ADAMTS17: variants seen among roughly 807,000 people sequenced by gnomAD.
ADAMTS17 encodes the protein ADAM metallopeptidase with thrombospondin type 1 motif 17.
ADAMTS17 carries 113 observed loss-of-function variants against 141.5 expected under a neutral mutation model. That is an observed-to-expected ratio of 0.80 (90% confidence interval 0.69 to 0.93). The LOEUF (loss-of-function observed/expected upper bound fraction) is 0.93. ADAMTS17 is among the 40% of genes least tolerant of loss of function. The pLI is 0.00. For synonymous variants in ADAMTS17, 768 were observed against 630.6 expected (o/e 1.22, Z -3.27); for missense variants, 1,659 against 1,517.9 (o/e 1.09, Z -1.54).
intron 12 of ADAMTS17, among the ~76,000 whole-genome samples, chr15:100,131,131 A>C (rs150922363): frequency 5.3e-4 from 81 of 152,148 alleles, no homozygotes; most frequent in Admixed American, 1.6e-3. Flanking sequence ...AAAACCAAAC[A>C]CTGTATGTTC....
intron 15 of ADAMTS17, among the ~76,000 whole-genome samples, chr15:100,090,470 C>T (rs868376153): frequency 1.8e-4 from 27 of 152,300 alleles, no homozygotes; most frequent in Middle Eastern, 3.4e-3. Flanking sequence ...AGCAAGGTCC[C>T]TGTGCAGCTG....
At chr15:100,167,187 T>G (rs1247180407) in intron 8 of ADAMTS17, among the ~76,000 whole-genome samples, 6 of 152,162 alleles carry the variant, frequency 3.9e-5, no homozygotes, top group African/African-American at 1.4e-4. Flanking sequence ...TTGGCTAACT[T>G]GAGGTGGGAG....
intron 16 of ADAMTS17, 71 bp from the exon 17 acceptor site, chr15:100,051,802 A>C: frequency 6.3e-7 from 1 of 1,582,806 alleles, no homozygotes; most frequent in South Asian, 1.1e-5. Flanking sequence ...GAATCTGCAC[A>C]CACAGGCACA....
chr15:99,976,725 C>T (rs376544640), intron 20 of ADAMTS17: 22 of 207,132 alleles, frequency 1.1e-4, no homozygotes, highest in Admixed American at 2.7e-4. Context: ...GTCTGTAAAT[C>T]GGGGAGGGTC....
chr15:100,065,590 C>T (rs578212149), intron 15 of ADAMTS17, among the ~76,000 whole-genome samples: 5 of 152,166 alleles, frequency 3.3e-5, no homozygotes, highest in South Asian at 2.1e-4. Context: ...AATGCTATTG[C>T]GGCATACTCG....
intron 3 of ADAMTS17, among the ~76,000 whole-genome samples, chr15:100,296,329 G>C (rs1244404881): frequency 6.6e-6 from 1 of 152,064 alleles, no homozygotes; most frequent in Non-Finnish European, 1.5e-5. Context: ...GGAAATGATG[G>C]CTCCACATGT....
chr15:100,291,353 G>A (rs1054439630), intron 3 of ADAMTS17, among the ~76,000 whole-genome samples: 2 of 152,208 alleles, frequency 1.3e-5, no homozygotes, highest in Non-Finnish European at 1.5e-5. Flanking sequence ...ACTAGCAGAT[G>A]CTGGCGAGGT....
chr15:100,253,578 C>A (rs62036215), intron 7 of ADAMTS17, among the ~76,000 whole-genome samples: 101,263 of 133,636 alleles, frequency 0.76, 39,221 homozygotes, highest in East Asian at 0.87. Flanking sequence ...GAGGAGGGGA[C>A]GGTGAAGAAG....
intron 15 of ADAMTS17, among the ~76,000 whole-genome samples, chr15:100,091,703 G>A (rs190346773): frequency 4.6e-5 from 7 of 152,118 alleles, no homozygotes; most frequent in African/African-American, 1.2e-4. Context: ...GAAAACCATC[G>A]GACTGAAAAG....
In ADAMTS17 at chr15:100,320,455, T is replaced by C. The variant is rs375715260; in HGVS notation, c.616+10434A>G. On this transcript the variant is annotated intron_variant, in intron 3 of 21. Coordinates refer to ENST00000268070, the MANE Select transcript of ADAMTS17 (RefSeq NM_139057.4). ...GGCAGAGGACCTTTTGTAACAAAAA[T>C]AGCAGTCTGAACACAGTACAATAGT... 2.6e-5 allele frequency among the ~76,000 whole-genome samples: 4 copies of C among 152,152 alleles called. No homozygotes were observed. The East Asian group carries it at 5.8e-4, about 22-fold the overall frequency.
intron 10 of ADAMTS17, among the ~76,000 whole-genome samples, chr15:100,140,508 TCCAGTAAAGACGTGTGGA>T (rs2038587842): frequency 1.4e-5 from 2 of 139,616 alleles, no homozygotes; most frequent in African/African-American, 2.6e-5. Context: ...TATATATATA[TCCAGTAAAGACGTGTGGA>T]ATGTATGAAT....
At chr15:100,138,998 G>T (rs542191633) in intron 10 of ADAMTS17, among the ~76,000 whole-genome samples, 1 of 152,082 alleles carries the variant, frequency 6.6e-6, no homozygotes, top group East Asian at 1.9e-4. Flanking sequence ...GCGCATGGGG[G>T]GTATTTTGGG....
At chr15:100,194,997 G>A (rs956669406) in intron 8 of ADAMTS17, among the ~76,000 whole-genome samples, 5 of 152,220 alleles carry the variant, frequency 3.3e-5, no homozygotes, top group African/African-American at 4.8e-5. Context: ...TCAAGCTACC[G>A]CTATGGAAAG....
chr15:100,305,456 G>A lies in ADAMTS17; in HGVS notation c.617-24055C>T, dbSNP rs143408204. Among the ~76,000 whole-genome samples, 57 of 152,312 alleles carry A rather than the reference G, an allele frequency of 3.7e-4. No homozygotes were observed. In the East Asian group the frequency reaches 0.01, roughly 27 times the overall value. On this transcript the variant is annotated intron_variant, in intron 3 of 21. Transcript: ENST00000268070. ...TTACTCAAATTCCAACGACAAGAGC[G>A]CTGGCAAAAGCCAGTGCCAAGACCT...
At chr15:100,019,166 A>G (rs529197054) in intron 18 of ADAMTS17, among the ~76,000 whole-genome samples, 1 of 152,346 alleles carries the variant, frequency 6.6e-6, no homozygotes, top group Non-Finnish European at 1.5e-5. Flanking sequence ...CAGGGGCAAG[A>G]CAGATGTACA....
At chr15:100,121,274 G>T (rs1239605179) in intron 12 of ADAMTS17, among the ~76,000 whole-genome samples, 1 of 152,072 alleles carries the variant, frequency 6.6e-6, no homozygotes, top group African/African-American at 2.4e-5. Context: ...AGAGAGAAAG[G>T]GTTAAGAGAT....
At chr15:100,218,497 A>G (rs975447584) in intron 7 of ADAMTS17, among the ~76,000 whole-genome samples, 2 of 152,236 alleles carry the variant, frequency 1.3e-5, no homozygotes, top group African/African-American at 2.4e-5. Flanking sequence ...AACATCAGCC[A>G]TTAGAGAAAG....
chr15:100,077,759 C>T (rs986357777), intron 15 of ADAMTS17, among the ~76,000 whole-genome samples: 1 of 152,126 alleles, frequency 6.6e-6, no homozygotes, highest in African/African-American at 2.4e-5. Flanking sequence ...GGAGTTCTAT[C>T]TAGGGCAACT....
chr15:100,079,529 TAGGGCTTAAG>T, intron 15 of ADAMTS17, among the ~76,000 whole-genome samples: 1 of 152,320 alleles, frequency 6.6e-6, no homozygotes, highest in South Asian at 2.1e-4. Context: ...AGTGGTTACC[TAGGGCTTAAG>T]AGGGAGATGG....
Sources: gnomAD v4.1 joint callset for allele counts (sites outside exome capture counted in the v4.1 genomes callset) on GRCh38, gnomAD v4.1.1 for gene constraint, MANE v1.5 for transcripts, NCBI Gene and HGNC (gene_info 2026-07-23, HGNC 2026-07-21) for gene names.